GRID2IP: variants seen among roughly 807,000 people sequenced by gnomAD.
The protein encoded by GRID2IP is Grid2 interacting protein, also known as delphilin.
Under a neutral mutation model 114.3 loss-of-function variants are expected in GRID2IP, and 78 were observed. The ratio of observed to expected loss-of-function variants is 0.68; its 90% CI spans 0.57 to 0.82. The LOEUF (loss-of-function observed/expected upper bound fraction) is 0.82. Among genes scored for constraint, GRID2IP ranks in the 40% least tolerant of loss-of-function variants. The pLI, the probability that GRID2IP is intolerant of heterozygous loss-of-function variation, is 0.00. For synonymous variants in GRID2IP, 809 were observed against 724.0 expected, an observed-to-expected ratio of 1.12 and a Z score of -1.89; for missense variants, 1,727 against 1,678.5, an observed-to-expected ratio of 1.03 and a Z score of -0.51.
intron 20 of GRID2IP, among the ~76,000 whole-genome samples, chr7:6,498,606 G>T (rs960754900): frequency 7.0e-4 from 99 of 142,124 alleles, no homozygotes; most frequent in African/African-American, 2.4e-3. Context: ...TTGAGACAGG[G>T]TCTTATTCTG....
chr7:6,504,982 G>T, intron 14 of GRID2IP, 112 bp from the exon 15 acceptor site: 1 of 810,248 alleles, frequency 1.2e-6, no homozygotes, highest in Non-Finnish European at 2.1e-6. Flanking sequence ...GCACGACCTC[G>T]ACTTAATCAG....
At chr7:6,538,797 C>T (rs891820413) in intron 2 of GRID2IP, among the ~76,000 whole-genome samples, 1 of 151,218 alleles carries the variant, frequency 6.6e-6, no homozygotes, top group Non-Finnish European at 1.5e-5. Flanking sequence ...TTGCTTGAAC[C>T]GGGGAGGCAG....
At chr7:6,550,938 C>T in intron 1 of GRID2IP, 70 bp downstream of exon 1, 1 of 1,195,732 alleles carries the variant, frequency 8.4e-7, no homozygotes, top group East Asian at 3.5e-5. Context: ...GAGAGCGGCG[C>T]CCGGCCCACT....
intron 1 of GRID2IP, among the ~76,000 whole-genome samples, chr7:6,546,603 G>A (rs1054221839): frequency 2.0e-5 from 3 of 151,606 alleles, no homozygotes; most frequent in Admixed American, 6.6e-5. Flanking sequence ...AAACCAACTG[G>A]GCTCCACGGA....
At chr7:6,511,787 T>C (rs1487417855) in intron 8 of GRID2IP, among the ~76,000 whole-genome samples, 1 of 152,238 alleles carries the variant, frequency 6.6e-6, no homozygotes, top group Non-Finnish European at 1.5e-5. Context: ...CTGCAGCTCA[T>C]GGGCACACAA....
intron 15 of GRID2IP, 90 bp downstream of exon 15, chr7:6,504,702 TA>T: frequency 9.9e-7 from 1 of 1,005,712 alleles, no homozygotes; most frequent in African/African-American, 1.6e-5. Flanking sequence ...CCCCACCGCC[TA>T]ATCTCTGTCA....
chr7:6,510,711 C>T lies in GRID2IP; in HGVS notation c.1556-5G>A, dbSNP rs371188392. On this transcript the variant is annotated splice_region_variant and splice_polypyrimidine_tract_variant and intron_variant, in intron 9 of 21. Transcript: ENST00000457091. The stretch of plus-strand genomic sequence containing the variant: ...TCTCAGGGCACTCGCTGGGACCTAC[C>T]GGGGAATAATGTCATTACCGTATCT... The T allele has an allele frequency of 4.7e-4, 727 of 1,547,706 alleles. No individual in the cohort carries two copies. Among genetic ancestry groups the T allele is most frequent in the Admixed American group, 6.4e-4 (32 of 50,284 alleles).
At chr7:6,531,202 G>A in intron 2 of GRID2IP, 1 of 450,496 alleles carries the variant, frequency 2.2e-6, no homozygotes, top group Non-Finnish European at 3.9e-6. Flanking sequence ...CCTCTGCCCT[G>A]CGAGCGCGCG....
chr7:6,497,514 G>T lies in GRID2IP; in HGVS notation c.*260C>A. The T allele has an allele frequency of 2.7e-6, 1 of 371,602 alleles. No homozygotes were observed. The highest frequency in any genetic ancestry group is 4.8e-6 in the Non-Finnish European group (1 of 206,678). The allele number at this position is 371,602 out of a possible 1,614,324, so 23.0% of individuals were successfully genotyped here. A position where few individuals can be genotyped will look rare whatever the true frequency, so the allele number is the denominator to read the frequency against. ...GGAGCGAAGTGGGAAGTGGGCCCAA[G>T]AAGCCGACAGAGCACGGTCCTCCAT... On this transcript the variant is annotated 3_prime_UTR_variant, in exon 22 of 22. Transcript: ENST00000457091.
intron 4 of GRID2IP, among the ~76,000 whole-genome samples, chr7:6,522,918 G>A (rs1779440893): frequency 6.6e-6 from 1 of 151,858 alleles, no homozygotes; most frequent in African/African-American, 2.4e-5. Context: ...GCCCGCCTTG[G>A]CCTCCCAAAA....
Position 6,528,469 on chromosome 7 carries a change from G to T in GRID2IP, c.585-1700C>A, listed in dbSNP as rs1779557800. 6.6e-6 allele frequency among the ~76,000 whole-genome samples: 1 copy of T among 152,212 alleles called. No homozygotes were observed. The highest frequency in any genetic ancestry group is 2.1e-4 in the South Asian group (1 of 4,832). On this transcript the variant is annotated intron_variant, in intron 2 of 21. Transcript: ENST00000457091. The surrounding 1 kb of genome is among the most constrained non-coding windows in gnomAD (Gnocchi z 6.0). ...ACAGACTTCAGCGCTCAGCACTGTG[G>T]CAGGACCTCTAACAAGAGCCCCTGA... is the stretch of plus-strand genomic sequence containing the variant.
rs762566794 is a variant in GRID2IP, at chr7:6,499,188, C to G, written c.3400-960G>C. On this transcript the variant is annotated intron_variant, in intron 20 of 21. Coordinates refer to ENST00000457091, the MANE Select transcript of GRID2IP (RefSeq NM_001145118.2). ...GCACACAGGACTTTAGCAACTAGCC[C>G]AAGATCACACAGCAAGCACTGTGGT... Among the ~76,000 whole-genome samples, 7 of 152,288 alleles carry G rather than the reference C, an allele frequency of 4.6e-5. No individual in the cohort carries two copies. The East Asian group carries it at 9.6e-4, about 21-fold the overall frequency.
chr7:6,545,441 C>T lies in GRID2IP; in HGVS notation c.429+5567G>A, dbSNP rs1355901419. On this transcript the variant is annotated intron_variant, in intron 1 of 21. Coordinates refer to ENST00000457091, the MANE Select transcript of GRID2IP (RefSeq NM_001145118.2). ...GAGGCTCTCCACGACCCAGCTCTGGCGAAGAACCCCAGACAGTGACTCTCA... is the reference window on the plus strand; with the variant it reads ...GAGGCTCTCCACGACCCAGCTCTGGTGAAGAACCCCAGACAGTGACTCTCA... Among the ~76,000 whole-genome samples the T allele has an allele frequency of 2.6e-5, 4 of 152,188 alleles. No individual in the cohort carries two copies. The South Asian group carries it at 6.2e-4, about 24-fold the overall frequency.
At chr7:6,547,967 AC>A (rs1396959043) in intron 1 of GRID2IP, among the ~76,000 whole-genome samples, 1 of 152,226 alleles carries the variant, frequency 6.6e-6, no homozygotes, top group Non-Finnish European at 1.5e-5. Context: ...CTGGGGCAGA[AC>A]TGAGCAGATT....
At chr7:6,537,639 A>G (rs928040685) in intron 2 of GRID2IP, among the ~76,000 whole-genome samples, 3 of 151,384 alleles carry the variant, frequency 2.0e-5, no homozygotes, top group Admixed American at 6.6e-5. Context: ...CGGCCTCCCA[A>G]AGTGCTGGGA....
chr7:6,514,721 G>A (rs1025459176), intron 7 of GRID2IP, among the ~76,000 whole-genome samples, 192 bp from the exon 8 acceptor site: 4 of 152,130 alleles, frequency 2.6e-5, no homozygotes, highest in Non-Finnish European at 4.4e-5. Context: ...AGAGGCCGAG[G>A]CAGGTGGATC....
chr7:6,541,838 T>C (rs117961277), intron 1 of GRID2IP, among the ~76,000 whole-genome samples: 2,387 of 152,312 alleles, frequency 0.016, 33 homozygotes, highest in Non-Finnish European at 0.027. Context: ...ACACACATCC[T>C]GACAAGACAC....
Position 6,526,101 on chromosome 7 carries a change from T to C in GRID2IP, c.919+123A>G. ...ACACGGTCTACACAAGGATGGTACC[T>C]GACGTGGAGGGGTTGCTGAGCAGGA... On this transcript the variant is annotated intron_variant, in intron 4 of 21. Transcript: ENST00000457091. The surrounding 1 kb of genome is among the most constrained non-coding windows in gnomAD (Gnocchi z 7.6). The C allele has an allele frequency of 4.2e-6, 3 of 721,408 alleles. No individual in the cohort carries two copies. In the Admixed American group the frequency reaches 6.3e-5, roughly 15 times the overall value. The allele number at this position is 721,408 out of a possible 1,614,324, so 44.7% of individuals were successfully genotyped here.
chr7:6,531,964 G>C (rs1779635958), intron 2 of GRID2IP, among the ~76,000 whole-genome samples: 1 of 152,208 alleles, frequency 6.6e-6, no homozygotes, highest in Non-Finnish European at 1.5e-5. Flanking sequence ...ACAACACCCA[G>C]GTGAGTGGGG....
Sources: allele counts gnomAD v4.1 joint callset (sites outside exome capture counted in the v4.1 genomes callset), GRCh38; gene constraint gnomAD v4.1.1; non-coding constraint Gnocchi (gnomAD v3.1); transcripts MANE v1.5; gene names NCBI Gene and HGNC (gene_info 2026-07-23, HGNC 2026-07-21).